Variants in WWOX observed in about 807,000 individuals in gnomAD.
WWOX encodes WW domain containing oxidoreductase.
WWOX carries 69 observed loss-of-function variants against 46.2 expected under a neutral mutation model. The ratio of observed to expected loss-of-function variants is 1.49; its 90% CI spans 1.23 to 1.82. The LOEUF (loss-of-function observed/expected upper bound fraction) is 1.82, where lower values mean the gene tolerates loss of function less well. WWOX is among the 40% of genes most tolerant of loss of function. The pLI is 0.00. For synonymous variants in WWOX, 359 were observed against 202.6 expected (o/e 1.77, Z -6.56); for missense variants, 919 against 542.6 (o/e 1.69, Z -6.89).
At chr16:78,918,586 T>C (rs996520499) in intron 8 of WWOX, among the ~76,000 whole-genome samples, 1 of 152,222 alleles carries the variant, frequency 6.6e-6, no homozygotes, top group African/African-American at 2.4e-5. Flanking sequence ...AAATGCTTGT[T>C]ACTATTTTGT....
At chr16:79,011,595 C>T (rs745776973) in intron 8 of WWOX, among the ~76,000 whole-genome samples, 3 of 151,288 alleles carry the variant, frequency 2.0e-5, no homozygotes, top group African/African-American at 4.9e-5. Flanking sequence ...TGGGCTCAGT[C>T]GATCCTCCCA....
At chr16:78,333,255 G>A (rs2080806909) in intron 5 of WWOX, among the ~76,000 whole-genome samples, 1 of 151,764 alleles carries the variant, frequency 6.6e-6, no homozygotes, top group South Asian at 2.1e-4. Flanking sequence ...TCACCGTGTT[G>A]GCCAGGCTTG....
intron 8 of WWOX, among the ~76,000 whole-genome samples, chr16:78,575,195 A>G (rs1430436533): frequency 1.4e-5 from 2 of 140,200 alleles, no homozygotes; most frequent in Admixed American, 7.7e-5. Context: ...TTCAGCTGGG[A>G]TGAGAAACCA....
chr16:78,178,859 G>A (rs60130208), intron 5 of WWOX, among the ~76,000 whole-genome samples: 2,871 of 79,960 alleles, frequency 0.036, 88 homozygotes, highest in African/African-American at 0.14. Context: ...GCGAGATTCC[G>A]TCTCAAAAAA....
At chr16:78,289,085 T>G (rs991626792) in intron 5 of WWOX, among the ~76,000 whole-genome samples, 1 of 151,534 alleles carries the variant, frequency 6.6e-6, no homozygotes, top group East Asian at 1.9e-4. Context: ...TGAAATGGAG[T>G]GGAAGGCAGC....
chr16:79,189,554 G>C (rs949634001), intron 8 of WWOX, among the ~76,000 whole-genome samples: 12 of 151,518 alleles, frequency 7.9e-5, no homozygotes, highest in Non-Finnish European at 1.6e-4. Context: ...TCCTACCTTG[G>C]CCTCTCAAAG....
chr16:79,082,777 G>A (rs1324810117), intron 8 of WWOX, among the ~76,000 whole-genome samples: 1 of 151,806 alleles, frequency 6.6e-6, no homozygotes, highest in African/African-American at 2.4e-5. Context: ...GAAGATGGGA[G>A]GGAGGTGATA....
At chr16:78,489,350 T>A (rs1488056084) in intron 8 of WWOX, among the ~76,000 whole-genome samples, 1 of 152,098 alleles carries the variant, frequency 6.6e-6, no homozygotes, top group Non-Finnish European at 1.5e-5. Flanking sequence ...ACATTGAGGA[T>A]TTTTTTCCTC....
At chr16:78,630,173 G>A (rs772063460) in intron 8 of WWOX, among the ~76,000 whole-genome samples, 20 of 152,158 alleles carry the variant, frequency 1.3e-4, no homozygotes, top group Non-Finnish European at 1.8e-4. Context: ...TGATGATGGC[G>A]TGATGATTGT....
intron 8 of WWOX, among the ~76,000 whole-genome samples, chr16:78,629,656 C>A (rs1318455778): frequency 6.6e-6 from 1 of 152,202 alleles, no homozygotes; most frequent in East Asian, 1.9e-4. Context: ...TGCCACAGGG[C>A]CTTTGCACAG....
intron 5 of WWOX, among the ~76,000 whole-genome samples, chr16:78,286,150 C>G (rs892465856): frequency 3.9e-5 from 6 of 152,184 alleles, no homozygotes; most frequent in Non-Finnish European, 2.9e-5. Context: ...GATTTTCATT[C>G]CCTTGTTTTG....
In WWOX at chr16:78,770,871, C is replaced by G. The variant is rs562471595; in HGVS notation, c.1056+338119C>G. 2.6e-5 allele frequency among the ~76,000 whole-genome samples: 4 copies of G among 152,184 alleles called. No individual in the cohort carries two copies. In the East Asian group the frequency reaches 7.7e-4, roughly 29 times the overall value. On this transcript the variant is annotated intron_variant, in intron 8 of 8. Transcript: ENST00000566780. Reference sequence around the variant, plus strand: ...GACGTCATCTGTGGACGGTTGGCACCGATGCTAATCAGTGCTATGGGAAAA... The same window carrying G: ...GACGTCATCTGTGGACGGTTGGCACGGATGCTAATCAGTGCTATGGGAAAA...
chr16:78,685,195 A>G (rs369117850), intron 8 of WWOX, among the ~76,000 whole-genome samples: 3 of 152,278 alleles, frequency 2.0e-5, no homozygotes, highest in East Asian at 3.9e-4. Flanking sequence ...CTGTGAGGTC[A>G]TCTTGTCCAC....
chr16:78,115,953 C>T (rs1817563314), intron 4 of WWOX, among the ~76,000 whole-genome samples: 1 of 152,122 alleles, frequency 6.6e-6, no homozygotes, highest in South Asian at 2.1e-4. Context: ...CCTCACACGG[C>T]CCCCTTGATG....
At chr16:78,424,819 C>A (rs1320223342) in intron 6 of WWOX, 51 bp from the exon 7 acceptor site, 1 of 1,604,162 alleles carries the variant, frequency 6.2e-7, no homozygotes, top group South Asian at 1.1e-5. Flanking sequence ...CATGGATTAT[C>A]CTTGGTTGTA....
At chr16:78,784,579 A>C (rs540196259) in intron 8 of WWOX, among the ~76,000 whole-genome samples, 9 of 152,288 alleles carry the variant, frequency 5.9e-5, no homozygotes, top group Non-Finnish European at 1.2e-4. Flanking sequence ...GATAATAGGA[A>C]TTGTCGCAAA....
At chr16:78,902,163 G>A (rs1392824171) in intron 8 of WWOX, among the ~76,000 whole-genome samples, 4 of 152,190 alleles carry the variant, frequency 2.6e-5, no homozygotes, top group African/African-American at 9.7e-5. Context: ...TTCTTCTGGA[G>A]AATCGGGCAG....
intron 8 of WWOX, among the ~76,000 whole-genome samples, chr16:78,459,930 G>A (rs1350814689): frequency 1.3e-5 from 2 of 151,230 alleles, no homozygotes; most frequent in Admixed American, 6.6e-5. Flanking sequence ...TCAGCCTCCC[G>A]GGTAGTTAGG....
intron 8 of WWOX, among the ~76,000 whole-genome samples, chr16:79,193,795 G>C (rs886182813): frequency 6.6e-6 from 1 of 152,160 alleles, no homozygotes; most frequent in African/African-American, 2.4e-5. Context: ...GGGGGTGGCA[G>C]CTGGGGAGAA....
Sources: allele counts gnomAD v4.1 joint callset (sites outside exome capture counted in the v4.1 genomes callset), GRCh38; gene constraint gnomAD v4.1.1; transcripts MANE v1.5; gene names NCBI Gene and HGNC (gene_info 2026-07-23, HGNC 2026-07-21).